SPOCK1: variants seen among roughly 807,000 people sequenced by gnomAD.
SPOCK1 encodes the protein SPARC (osteonectin), cwcv and kazal like domains proteoglycan 1.
Under a neutral mutation model 55.3 loss-of-function variants are expected in SPOCK1, and 23 were observed. The ratio of observed to expected loss-of-function variants is 0.42; its 90% confidence interval spans 0.30 to 0.59. The LOEUF (loss-of-function observed/expected upper bound fraction) is 0.59. Ranked by LOEUF, SPOCK1 falls within the 20% of genes least tolerant of loss-of-function variation. SPOCK1 has a pLI of 0.22. For missense variants in SPOCK1, 499 were observed against 552.5 expected (o/e 0.90, Z 0.97); for synonymous variants, 226 against 221.0 (o/e 1.02, Z -0.20).
At chr5:137,250,966 C>A (rs1756513109) in intron 3 of SPOCK1, among the ~76,000 whole-genome samples, 1 of 152,176 alleles carries the variant, frequency 6.6e-6, no homozygotes, top group African/African-American at 2.4e-5. Context: ...GATGGCATAG[C>A]AACACCAGAA....
At chr5:137,065,831 C>T (rs903243503) in intron 6 of SPOCK1, among the ~76,000 whole-genome samples, 3 of 152,112 alleles carry the variant, frequency 2.0e-5, no homozygotes, top group African/African-American at 7.2e-5. Flanking sequence ...GTCTGAGTCT[C>T]TTTACTTTTA....
chr5:137,410,172 T>A (rs1752179777), intron 2 of SPOCK1, among the ~76,000 whole-genome samples: 1 of 152,256 alleles, frequency 6.6e-6, no homozygotes, highest in South Asian at 2.1e-4. Flanking sequence ...GCCTTTATTA[T>A]CATGCTCCTG....
chr5:137,344,351 C>G (rs140612299), intron 2 of SPOCK1, among the ~76,000 whole-genome samples: 3 of 152,294 alleles, frequency 2.0e-5, no homozygotes, highest in African/African-American at 7.2e-5. Context: ...CTTACAAGTC[C>G]GAAGTCATTT....
At chr5:137,154,326 G>A (rs973035235) in intron 3 of SPOCK1, among the ~76,000 whole-genome samples, 1 of 152,126 alleles carries the variant, frequency 6.6e-6, no homozygotes, top group Non-Finnish European at 1.5e-5. Context: ...CTCCTAGGTG[G>A]TCACTCTAGA....
intron 3 of SPOCK1, among the ~76,000 whole-genome samples, chr5:137,199,074 T>C (rs1215427002): frequency 6.6e-6 from 1 of 152,220 alleles, no homozygotes; most frequent in Non-Finnish European, 1.5e-5. Context: ...AGTTCACTGT[T>C]CTGTCCATTA....
chr5:137,096,653 T>C (rs1422796920), intron 5 of SPOCK1, among the ~76,000 whole-genome samples: 3 of 152,256 alleles, frequency 2.0e-5, no homozygotes, highest in Non-Finnish European at 4.4e-5. Flanking sequence ...AAGAAATCGA[T>C]GAGCCAACCC....
At chr5:137,161,489 A>C (rs957172784) in intron 3 of SPOCK1, among the ~76,000 whole-genome samples, 1 of 152,100 alleles carries the variant, frequency 6.6e-6, no homozygotes, top group African/African-American at 2.4e-5. Flanking sequence ...GCTCCAACGG[A>C]AGTAATTGCT....
intron 2 of SPOCK1, among the ~76,000 whole-genome samples, chr5:137,306,374 C>G (rs201848334): frequency 6.6e-6 from 1 of 152,196 alleles, no homozygotes; most frequent in African/African-American, 2.4e-5. Context: ...AATGCTCATG[C>G]TTTGTTCCTC....
At chr5:137,027,211 C>G (rs913797883) in intron 6 of SPOCK1, among the ~76,000 whole-genome samples, 1 of 152,190 alleles carries the variant, frequency 6.6e-6, no homozygotes, top group African/African-American at 2.4e-5. Flanking sequence ...CTTTCTCAAG[C>G]TCTTTCCATG....
chr5:137,119,462 G>A (rs770277147), intron 4 of SPOCK1, among the ~76,000 whole-genome samples: 6 of 152,168 alleles, frequency 3.9e-5, no homozygotes, highest in Admixed American at 6.5e-5. Flanking sequence ...AATTACACAG[G>A]AAGAGCATAA....
At chr5:137,176,258 C>G (rs931401452) in intron 3 of SPOCK1, among the ~76,000 whole-genome samples, 2 of 152,174 alleles carry the variant, frequency 1.3e-5, no homozygotes, top group Non-Finnish European at 2.9e-5. Context: ...GGTATATCCT[C>G]AACCCCCTTC....
intron 2 of SPOCK1, among the ~76,000 whole-genome samples, chr5:137,402,233 G>A (rs1165237104): frequency 6.6e-6 from 1 of 152,158 alleles, no homozygotes; most frequent in Admixed American, 6.5e-5. Flanking sequence ...TTCAGTAGAA[G>A]CTGTTAGGTT....
chr5:137,224,014 G>C (rs1429295388), intron 3 of SPOCK1, among the ~76,000 whole-genome samples: 1 of 152,160 alleles, frequency 6.6e-6, no homozygotes, highest in Non-Finnish European at 1.5e-5. Context: ...AACTAATGAT[G>C]CCAGAGAGAT....
At chr5:137,469,492 T>G (rs775684051) in intron 2 of SPOCK1, among the ~76,000 whole-genome samples, 3 of 152,016 alleles carry the variant, frequency 2.0e-5, no homozygotes, top group Non-Finnish European at 4.4e-5. Context: ...TAATAAGAGT[T>G]ATGCAAAAAA....
intron 2 of SPOCK1, among the ~76,000 whole-genome samples, chr5:137,415,532 G>A (rs933173871): frequency 3.9e-5 from 6 of 152,210 alleles, no homozygotes; most frequent in African/African-American, 1.4e-4. Flanking sequence ...GAAGAAGAAT[G>A]AAAACTGCTT....
At chr5:137,019,512 AT>A (rs1055628675) in intron 6 of SPOCK1, among the ~76,000 whole-genome samples, 53 of 152,024 alleles carry the variant, frequency 3.5e-4, no homozygotes, top group African/African-American at 1.3e-3. Context: ...CCACTCCCCT[AT>A]TGTCAAATAT....
intron 2 of SPOCK1, among the ~76,000 whole-genome samples, chr5:137,357,667 T>C (rs1399132779): frequency 6.6e-6 from 1 of 152,178 alleles, no homozygotes; most frequent in Admixed American, 6.5e-5. Context: ...AGGATCATGA[T>C]GCAACCCAGC....
At chr5:137,076,101 C>A (rs1302919981) in intron 5 of SPOCK1, among the ~76,000 whole-genome samples, 7 of 152,170 alleles carry the variant, frequency 4.6e-5, no homozygotes, top group Non-Finnish European at 4.4e-5. Context: ...CACAGCCTCA[C>A]CATGCAAGGC....
intron 2 of SPOCK1, among the ~76,000 whole-genome samples, chr5:137,281,785 G>C (rs1757169596): frequency 6.6e-6 from 1 of 152,120 alleles, no homozygotes; most frequent in Non-Finnish European, 1.5e-5. Context: ...GAATTATTTG[G>C]GAACAATACC....
Sources: gnomAD v4.1 joint callset for allele counts (sites outside exome capture counted in the v4.1 genomes callset) on GRCh38, gnomAD v4.1.1 for gene constraint, MANE v1.5 for transcripts, NCBI Gene and HGNC (gene_info 2026-07-23, HGNC 2026-07-21) for gene names.